The following LSM12 variants were observed in gnomAD, a reference collection of about 807,000 sequenced individuals.
LSM12 encodes the protein LSM12 homolog, also known as protein LSM12.
For synonymous variants in LSM12, 74 were observed against 87.3 expected (o/e 0.85, Z 0.85); for missense variants, 108 against 238.9 (o/e 0.45, Z 3.61).
chr17:44,057,499 C>T (rs62078908), intron 2 of LSM12, among the ~76,000 whole-genome samples: 4 of 150,692 alleles, frequency 2.7e-5, no homozygotes, highest in Non-Finnish European at 5.9e-5. Flanking sequence ...CAGTGGCTCA[C>T]GCCTGTAATC....
At chr17:44,066,704 G>C, upstream of LSM12, 5 of 1,197,356 alleles carry the variant, frequency 4.2e-6, no homozygotes, top group Non-Finnish European at 5.3e-6. Context: ...ACACGCCGGG[G>C]CGTGGCCTGG....
At chr17:44,054,853 T>C (rs916962058) in intron 2 of LSM12, among the ~76,000 whole-genome samples, 12 of 151,530 alleles carry the variant, frequency 7.9e-5, no homozygotes, top group Non-Finnish European at 1.2e-4. Context: ...TTTTTTTTAA[T>C]TTTGAGACAG....
At chr17:44,042,865 C>T (rs886975780) in intron 2 of LSM12, among the ~76,000 whole-genome samples, 2 of 152,034 alleles carry the variant, frequency 1.3e-5, no homozygotes, top group Non-Finnish European at 2.9e-5. Flanking sequence ...CCACACCTGG[C>T]CATTTTTTTG....
At chr17:44,036,835 T>C (rs2049421107) in intron 4 of LSM12, 1 of 156,792 alleles carries the variant, frequency 6.4e-6, no homozygotes, top group Admixed American at 6.2e-5. Flanking sequence ...AAAAACCCAA[T>C]ATGGGGCCAG....
intron 2 of LSM12, among the ~76,000 whole-genome samples, chr17:44,059,134 A>C (rs965347431): frequency 6.6e-6 from 1 of 152,092 alleles, no homozygotes; most frequent in African/African-American, 2.4e-5. Context: ...ATGCCACTGC[A>C]CTCTAGCCTG....
Position 44,035,416 on chromosome 17 carries a change from C to G in LSM12, c.*792G>C. The G allele has an allele frequency of 7.2e-6, 1 of 138,542 alleles. No individual in the cohort carries two copies. Among genetic ancestry groups the G allele is most frequent in the East Asian group, 2.1e-4 (1 of 4,670 alleles). 8.6% of individuals were successfully genotyped at this position (138,542 alleles called of 1,614,324 possible). A position where few individuals can be genotyped will look rare whatever the true frequency, so the allele number is the denominator to read the frequency against. On this transcript the variant is annotated 3_prime_UTR_variant, in exon 5 of 5. Coordinates refer to ENST00000293406, the MANE Select transcript of LSM12 (RefSeq NM_001371445.1). ...AAAAGCCATCAGGAACCCTCAAAGC[C>G]AAATTCTATCTGCACACTGGCTCTA...
intron 2 of LSM12, among the ~76,000 whole-genome samples, chr17:44,061,637 T>C (rs1567962878): frequency 6.6e-6 from 1 of 152,214 alleles, no homozygotes; most frequent in Non-Finnish European, 1.5e-5. Context: ...TCTATTATTT[T>C]AGTTGCCTAA....
chr17:44,046,273 T>C (rs1255885418), intron 2 of LSM12, among the ~76,000 whole-genome samples: 2 of 152,158 alleles, frequency 1.3e-5, no homozygotes, highest in African/African-American at 4.8e-5. Context: ...TTTTGCTTTT[T>C]AAAAGTAAAA....
chr17:44,040,097 A>G (rs1179907416), intron 3 of LSM12, 50 bp downstream of exon 3: 39 of 1,414,842 alleles, frequency 2.8e-5, no homozygotes, highest in Non-Finnish European at 3.9e-5. Flanking sequence ...CAGACAGCAC[A>G]ACCAGGTAGC....
intron 3 of LSM12, among the ~76,000 whole-genome samples, chr17:44,038,677 C>T (rs1341404967): frequency 6.6e-6 from 1 of 152,026 alleles, no homozygotes; most frequent in East Asian, 1.9e-4. Context: ...AGAGAACAAA[C>T]TCCCCATCTT....
intron 2 of LSM12, among the ~76,000 whole-genome samples, chr17:44,049,483 G>A (rs2049614644): frequency 2.0e-5 from 3 of 151,936 alleles, no homozygotes; most frequent in African/African-American, 4.8e-5. Flanking sequence ...TTGCTATATT[G>A]CCCAGGCTGG....
In LSM12 at chr17:44,052,241, T is replaced by TA. The variant is rs923373793; in HGVS notation, c.258+11559dup. Among the ~76,000 whole-genome samples, 226 of 124,164 alleles carry TA rather than the reference T, an allele frequency of 1.8e-3. 1 individual carries two copies. The highest frequency in any genetic ancestry group is 3.4e-3 in the African/African-American group (115 of 33,350). The allele number at this position is 124,164 out of a possible 152,430, so 81.5% of individuals were successfully genotyped here. A position where few individuals can be genotyped will look rare whatever the true frequency, so the allele number is the denominator to read the frequency against. ...ACAAAGCAAGTCCCTATCTCTAAAT[T>TA]AAAAAAAAAAACAAACAACAAAAAA... On this transcript the variant is annotated intron_variant, in intron 2 of 4. Transcript: ENST00000293406.
Position 44,058,286 on chromosome 17 carries a change from TTAAC to T in LSM12, c.258+5511_258+5514del, listed in dbSNP as rs993410133. Reference sequence around the variant, plus strand: ...AATAATAATAATAATTTGGGAGACATTAACTAACATCTGCCAAGTCTAATGACTT... The same window carrying T: ...AATAATAATAATAATTTGGGAGACATTAACATCTGCCAAGTCTAATGACTT... On this transcript the variant is annotated intron_variant, in intron 2 of 4. Coordinates refer to ENST00000293406, the MANE Select transcript of LSM12 (RefSeq NM_001371445.1). Among the ~76,000 whole-genome samples the T allele has an allele frequency of 5.9e-4, 90 of 151,806 alleles. 1 individual carries two copies. The highest frequency in any genetic ancestry group is 2.2e-3 in the African/African-American group (90 of 41,438).
chr17:44,040,610 A>C (rs1744156506), intron 2 of LSM12, among the ~76,000 whole-genome samples: 1 of 152,152 alleles, frequency 6.6e-6, no homozygotes, highest in African/African-American at 2.4e-5. Context: ...AAGAAAATAA[A>C]GCACTTTTAA....
At chr17:44,050,254 C>G (rs558403462) in intron 2 of LSM12, among the ~76,000 whole-genome samples, 1 of 151,694 alleles carries the variant, frequency 6.6e-6, no homozygotes, top group East Asian at 2.0e-4. Flanking sequence ...CATGTGGACA[C>G]CATGCCCGGC....
At chr17:44,060,985 C>T (rs1165647977) in intron 2 of LSM12, among the ~76,000 whole-genome samples, 4 of 152,132 alleles carry the variant, frequency 2.6e-5, no homozygotes, top group African/African-American at 9.7e-5. Flanking sequence ...ACCCTATAAA[C>T]ACCAAAAAAT....
chr17:44,041,281 AAAAAAACAAACACACAC>A (rs1268922823), intron 2 of LSM12, among the ~76,000 whole-genome samples: 1 of 131,214 alleles, frequency 7.6e-6, no homozygotes, highest in Admixed American at 8.2e-5. Flanking sequence ...TTTAAAAAAA[AAAAAAACAAACACACAC>A]ACACACACAC....
chr17:44,056,978 T>C (rs1350679314), intron 2 of LSM12, among the ~76,000 whole-genome samples: 1 of 148,910 alleles, frequency 6.7e-6, no homozygotes, highest in East Asian at 2.0e-4. Flanking sequence ...GCAGCAAGAG[T>C]GAAACTCTGT....
In LSM12 at chr17:44,037,665, TGCCAGCA is replaced by T. The variant is rs1413906434; in HGVS notation, c.369-134_369-128del. On this transcript the variant is annotated intron_variant, in intron 3 of 4. Transcript: ENST00000293406. ...GCTCACCACTCAGCCAACAACTAGA[TGCCAGCA>T]GCCCATATAGTAGCCAAGAAACATT... 5.2e-6 allele frequency: 6 copies of T among 1,151,650 alleles called. No homozygotes were observed. The African/African-American group carries it at 9.6e-5, about 18-fold the overall frequency. The allele number at this position is 1,151,650 out of a possible 1,614,324, so 71.3% of individuals were successfully genotyped here. A position where few individuals can be genotyped will look rare whatever the true frequency, so the allele number is the denominator to read the frequency against.
Sources: gnomAD v4.1 joint callset for allele counts (sites outside exome capture counted in the v4.1 genomes callset) on GRCh38, gnomAD v4.1.1 for gene constraint, MANE v1.5 for transcripts, NCBI Gene and HGNC (gene_info 2026-07-23, HGNC 2026-07-21) for gene names.